TRAPPC9: variants seen among roughly 807,000 people sequenced by gnomAD.
The protein encoded by TRAPPC9 is trafficking protein particle complex subunit 9.
Under a neutral mutation model 124.0 loss-of-function variants are expected in TRAPPC9, and 83 were observed. The ratio of observed to expected loss-of-function variants is 0.67; its 90% CI spans 0.56 to 0.80. TRAPPC9 has a LOEUF of 0.80. Ranked by LOEUF, TRAPPC9 falls within the 30% of genes least tolerant of loss-of-function variation. The pLI, the probability that TRAPPC9 is intolerant of heterozygous loss-of-function variation, is 0.00. For missense variants in TRAPPC9, 1,302 were observed against 1,508.3 expected (o/e 0.86, Z 2.27); for synonymous variants, 638 against 617.5 (o/e 1.03, Z -0.49).
intron 21 of TRAPPC9, among the ~76,000 whole-genome samples, chr8:139,869,528 TGGTA>T (rs1241665019): frequency 6.6e-6 from 1 of 152,216 alleles, no homozygotes; most frequent in African/African-American, 2.4e-5. Context: ...TCAAACCCCA[TGGTA>T]GATCAAATAA....
At chr8:139,976,035 GC>G in intron 19 of TRAPPC9, among the ~76,000 whole-genome samples, 1 of 149,958 alleles carries the variant, frequency 6.7e-6, no homozygotes. Flanking sequence ...GGGACTACAG[GC>G]GCCCGCCACC....
intron 3 of TRAPPC9, among the ~76,000 whole-genome samples, chr8:140,438,687 T>A (rs1382819000): frequency 2.0e-5 from 3 of 152,102 alleles, no homozygotes; most frequent in Non-Finnish European, 4.4e-5. Context: ...CTCATTTCTT[T>A]TTTTATTTTA....
rs886062723 is a variant in TRAPPC9, at chr8:140,275,699, A to G, written c.2237T>C (p.Leu746Ser). ...TTTCGAGGTGACCTCCAGTTTCTCC[A>G]ATGGTTCCATTCCAATATTTTCCAA... ...IKLENIGMEP[L>S]EKLEVTSKVL... The change falls in exon 15 of 23, where the codon TTG becomes TCG. Residue 746 changes from leucine to serine, a missense_variant. Coordinates refer to ENST00000438773, the MANE Select transcript of TRAPPC9 (RefSeq NM_001160372.4). The G allele has an allele frequency of 2.5e-6, 4 of 1,614,214 alleles. No homozygotes were observed. The highest frequency in any genetic ancestry group is 1.1e-5 in the South Asian group (1 of 91,086).
intron 16 of TRAPPC9, among the ~76,000 whole-genome samples, chr8:140,228,294 T>C (rs2063501859): frequency 6.6e-6 from 1 of 152,184 alleles, no homozygotes; most frequent in Non-Finnish European, 1.5e-5. Flanking sequence ...AGAATATATT[T>C]TAAAGATGCT....
At chr8:140,383,183 C>G (rs530680044) in intron 7 of TRAPPC9, among the ~76,000 whole-genome samples, 1 of 152,094 alleles carries the variant, frequency 6.6e-6, no homozygotes, top group Admixed American at 6.6e-5. Flanking sequence ...CATCAAAGAC[C>G]AAAGGTAGAA....
chr8:139,833,363 CT>C (rs1335341592), intron 21 of TRAPPC9, among the ~76,000 whole-genome samples: 1 of 152,158 alleles, frequency 6.6e-6, no homozygotes, highest in Non-Finnish European at 1.5e-5. Context: ...AATGTCCCTC[CT>C]ACCTGCTGGG....
rs138774585 is a variant in TRAPPC9 at position 140,373,007 on chromosome 8, G to A, written c.1135-1827C>T. 5.7e-3 allele frequency among the ~76,000 whole-genome samples: 873 copies of A among 152,242 alleles called. 7 individuals carry two copies. Among genetic ancestry groups the A allele is most frequent in the African/African-American group, 0.02 (829 of 41,544 alleles). ...GCCCTCCTCAGCCCCAACCTGCTCT[G>A]GAAATTCGAGGCCCCACTGCCTACC... On this transcript the variant is annotated intron_variant, in intron 7 of 22. Transcript: ENST00000438773.
intron 9 of TRAPPC9, among the ~76,000 whole-genome samples, chr8:140,331,663 C>T (rs1027214488): frequency 2.2e-5 from 3 of 139,144 alleles, no homozygotes; most frequent in Middle Eastern, 3.6e-3. Flanking sequence ...AAAAAGCAGG[C>T]AAAAGACGTG....
At chr8:140,112,116 G>A (rs987589258) in intron 17 of TRAPPC9, among the ~76,000 whole-genome samples, 2 of 152,276 alleles carry the variant, frequency 1.3e-5, no homozygotes, top group Non-Finnish European at 2.9e-5. Context: ...GGGAAGCTTT[G>A]GCTCGCCTTG....
At chr8:139,893,267 G>A (rs182197474) in intron 20 of TRAPPC9, among the ~76,000 whole-genome samples, 25 of 152,254 alleles carry the variant, frequency 1.6e-4, no homozygotes, top group Non-Finnish European at 2.1e-4. Context: ...ACGGCGTGCC[G>A]CAGACCTGGA....
intron 17 of TRAPPC9, among the ~76,000 whole-genome samples, chr8:140,155,288 C>A (rs951345219): frequency 6.6e-6 from 1 of 152,154 alleles, no homozygotes; most frequent in Non-Finnish European, 1.5e-5. Context: ...GCTGCTAAGG[C>A]CGACTTGGTG....
chr8:139,756,259 G>A (rs1214221381), intron 21 of TRAPPC9, among the ~76,000 whole-genome samples: 6 of 124,334 alleles, frequency 4.8e-5, no homozygotes, highest in African/African-American at 6.9e-5. Context: ...ACAGCAGGTC[G>A]CAGTAGGAGC....
At chr8:139,827,129 G>A (rs188027014) in intron 21 of TRAPPC9, among the ~76,000 whole-genome samples, 2,322 of 152,278 alleles carry the variant, frequency 0.015, 59 homozygotes, top group African/African-American at 0.052. Flanking sequence ...GGGAAGGGAA[G>A]GCACTTGCCC....
intron 16 of TRAPPC9, among the ~76,000 whole-genome samples, chr8:140,251,372 ACC>A (rs1363842500): frequency 3.3e-5 from 5 of 152,190 alleles, no homozygotes; most frequent in Non-Finnish European, 5.9e-5. Context: ...TTACACACCA[ACC>A]AAAAAAATCC....
At chr8:140,221,799 G>A (rs895213697) in intron 16 of TRAPPC9, among the ~76,000 whole-genome samples, 9 of 152,108 alleles carry the variant, frequency 5.9e-5, no homozygotes, top group African/African-American at 2.2e-4. Context: ...CACCACACCT[G>A]GCTAATTTTT....
intron 7 of TRAPPC9, among the ~76,000 whole-genome samples, chr8:140,384,135 C>T (rs1383785526): frequency 6.6e-6 from 1 of 152,070 alleles, no homozygotes; most frequent in East Asian, 1.9e-4. Flanking sequence ...ACCACCAGGC[C>T]TGCCCTACAA....
chr8:139,814,981 T>C (rs1421076952), intron 21 of TRAPPC9, among the ~76,000 whole-genome samples: 3 of 152,216 alleles, frequency 2.0e-5, no homozygotes, highest in African/African-American at 4.8e-5. Flanking sequence ...GAAACCCGCA[T>C]GCTCCTTGCT....
At chr8:140,315,090 C>T (rs1240094609) in intron 9 of TRAPPC9, among the ~76,000 whole-genome samples, 1 of 152,168 alleles carries the variant, frequency 6.6e-6, no homozygotes, top group Non-Finnish European at 1.5e-5. Flanking sequence ...TTCACCTCCT[C>T]ACCAACATTT....
intron 17 of TRAPPC9, among the ~76,000 whole-genome samples, chr8:140,031,338 A>C (rs892705184): frequency 2.6e-5 from 4 of 152,230 alleles, no homozygotes; most frequent in African/African-American, 9.6e-5. Flanking sequence ...GGTTTTGACC[A>C]GCTCTTATAT....
Sources: allele counts gnomAD v4.1 joint callset (sites outside exome capture counted in the v4.1 genomes callset), GRCh38; gene constraint gnomAD v4.1.1; transcripts MANE v1.5; gene names NCBI Gene and HGNC (gene_info 2026-07-23, HGNC 2026-07-21).